Variants in CA10 observed in about 807,000 individuals in gnomAD.
The protein encoded by CA10 is carbonic anhydrase 10 (inactive), also known as carbonic anhydrase-related protein 10.
In CA10, 14 loss-of-function variants were observed where a neutral mutation model predicts 44.2. The ratio of observed to expected loss-of-function variants is 0.32; its 90% CI spans 0.21 to 0.50. The LOEUF (loss-of-function observed/expected upper bound fraction) is 0.50. Among genes scored for constraint, CA10 ranks in the 20% least tolerant of loss-of-function variants. CA10 has a pLI of 0.99. For missense variants in CA10, 350 were observed against 409.7 expected (o/e 0.85, Z 1.26); for synonymous variants, 159 against 141.6 (o/e 1.12, Z -0.87).
chr17:52,010,304 G>A lies in CA10; in HGVS notation c.136+62015C>T, dbSNP rs372236700. Among the ~76,000 whole-genome samples, 7 of 151,966 alleles carry A rather than the reference G, an allele frequency of 4.6e-5. No homozygotes were observed. The East Asian group carries it at 5.8e-4, about 13-fold the overall frequency. On this transcript the variant is annotated intron_variant, in intron 2 of 8. Transcript: ENST00000451037. ...AGAAAAAAGATACTTGTGCACACATGTTTACAGCAGCACAATTTGCAATTG... is the reference window on the plus strand; with the variant it reads ...AGAAAAAAGATACTTGTGCACACATATTTACAGCAGCACAATTTGCAATTG...
At chr17:51,652,337 T>C (rs1913605680) in intron 5 of CA10, among the ~76,000 whole-genome samples, 1 of 152,266 alleles carries the variant, frequency 6.6e-6, no homozygotes, top group African/African-American at 2.4e-5. Flanking sequence ...CTACTGTTTA[T>C]TATTCCAGGG....
chr17:51,909,309 T>C (rs758430799), intron 3 of CA10, among the ~76,000 whole-genome samples: 3 of 152,170 alleles, frequency 2.0e-5, no homozygotes, highest in Admixed American at 6.6e-5. Flanking sequence ...TCAGAGTTCT[T>C]TGGAACTGGA....
chr17:51,713,226 C>A (rs566806423), intron 4 of CA10, among the ~76,000 whole-genome samples: 1 of 152,182 alleles, frequency 6.6e-6, no homozygotes, highest in South Asian at 2.1e-4. Flanking sequence ...GTTTGAGCAT[C>A]ATTCTTATCA....
rs1988639117 is a variant in CA10, at chr17:52,105,412, AC to A, written c.62-33020del. Among the ~76,000 whole-genome samples, 4 of 151,704 alleles carry A rather than the reference AC, an allele frequency of 2.6e-5. No individual in the cohort carries two copies. The South Asian group carries it at 8.3e-4, about 32-fold the overall frequency. On this transcript the variant is annotated intron_variant, in intron 1 of 8. Coordinates refer to ENST00000451037, the MANE Select transcript of CA10 (RefSeq NM_020178.5). ...TGGGACTACAGGCGCCTGCCACCAC[AC>A]CCGGCTAATTTTTTGTATTTTTTAG...
intron 6 of CA10, among the ~76,000 whole-genome samples, chr17:51,648,529 T>C (rs1849630532): frequency 6.6e-6 from 1 of 152,212 alleles, no homozygotes; most frequent in Non-Finnish European, 1.5e-5. Flanking sequence ...GGGTGTGTGC[T>C]GTCTCACCCA....
At chr17:51,662,687 T>C (rs1340520200) in intron 4 of CA10, among the ~76,000 whole-genome samples, 1 of 152,186 alleles carries the variant, frequency 6.6e-6, no homozygotes, top group South Asian at 2.1e-4. Context: ...ACCCTAAGGT[T>C]TGGTAACTAT....
At chr17:51,908,098 C>T (rs1370046604) in intron 3 of CA10, among the ~76,000 whole-genome samples, 2 of 152,280 alleles carry the variant, frequency 1.3e-5, no homozygotes, top group East Asian at 1.9e-4. Context: ...GCACTGTGTT[C>T]TCTGACCCAC....
At chr17:52,089,859 A>G (rs1427921454) in intron 1 of CA10, among the ~76,000 whole-genome samples, 3 of 152,154 alleles carry the variant, frequency 2.0e-5, no homozygotes, top group Non-Finnish European at 2.9e-5. Context: ...CTTGAGAAGA[A>G]GGGAGAGATG....
chr17:52,127,224 A>C (rs530915501), intron 1 of CA10, among the ~76,000 whole-genome samples: 2 of 152,340 alleles, frequency 1.3e-5, no homozygotes, highest in East Asian at 3.9e-4. Flanking sequence ...CATATTGTCC[A>C]GCAAGTTTGT....
chr17:51,641,684 A>T (rs1913094439), intron 6 of CA10, among the ~76,000 whole-genome samples: 1 of 152,166 alleles, frequency 6.6e-6, no homozygotes, highest in Non-Finnish European at 1.5e-5. Context: ...AGTCGTGGTT[A>T]CAACTCCCAA....
intron 3 of CA10, among the ~76,000 whole-genome samples, chr17:51,894,607 T>C (rs746317486): frequency 6.6e-6 from 1 of 152,174 alleles, no homozygotes; most frequent in Non-Finnish European, 1.5e-5. Context: ...TAGATCCTGA[T>C]TTATAAATGT....
intron 1 of CA10, among the ~76,000 whole-genome samples, chr17:52,148,975 G>C (rs1002023099): frequency 6.6e-6 from 1 of 152,192 alleles, no homozygotes; most frequent in African/African-American, 2.4e-5. Context: ...AGAATCCTCT[G>C]AGGTATTTAT....
intron 2 of CA10, among the ~76,000 whole-genome samples, chr17:52,052,353 C>G (rs1369554993): frequency 1.3e-5 from 2 of 148,524 alleles, no homozygotes; most frequent in Non-Finnish European, 3.0e-5. Flanking sequence ...TAGCCATTGA[C>G]TTTTGCCTCT....
At chr17:51,997,973 T>C (rs1349705498) in intron 2 of CA10, among the ~76,000 whole-genome samples, 5 of 152,072 alleles carry the variant, frequency 3.3e-5, no homozygotes, top group African/African-American at 1.2e-4. Flanking sequence ...GTCACTTTCC[T>C]AGTGGGAACC....
At chr17:51,916,756 T>C (rs1038042584) in intron 3 of CA10, among the ~76,000 whole-genome samples, 8 of 152,150 alleles carry the variant, frequency 5.3e-5, no homozygotes, top group African/African-American at 1.2e-4. Context: ...AGAAAAGTCA[T>C]AGCTCCATAT....
At chr17:51,687,890 G>C (rs554129322) in intron 4 of CA10, among the ~76,000 whole-genome samples, 1 of 152,278 alleles carries the variant, frequency 6.6e-6, no homozygotes, top group East Asian at 1.9e-4. Flanking sequence ...ACTCCTTAAT[G>C]ATTCTTGCCA....
chr17:51,836,410 G>C (rs1396843909), intron 3 of CA10, among the ~76,000 whole-genome samples: 3 of 152,230 alleles, frequency 2.0e-5, no homozygotes, highest in Non-Finnish European at 2.9e-5. Flanking sequence ...GACCCAACGT[G>C]GAGGCAAAGG....
chr17:51,825,813 C>T (rs893074289), intron 3 of CA10, among the ~76,000 whole-genome samples: 2 of 152,192 alleles, frequency 1.3e-5, no homozygotes, highest in Admixed American at 1.3e-4. Context: ...ATGATTCGAA[C>T]GTTGCACAAC....
Position 51,717,591 on chromosome 17 carries a change from T to TTG in CA10, c.465+30040_465+30041dup, listed in dbSNP as rs200189230. Among the ~76,000 whole-genome samples the TTG allele has an allele frequency of 1.1e-3, 130 of 115,988 alleles. 3 individuals are homozygous for TTG. The highest frequency in any genetic ancestry group is 4.2e-3 in the African/African-American group (127 of 30,158). 76.1% of individuals were successfully genotyped at this position (115,988 alleles called of 152,430 possible). A position where few individuals can be genotyped will look rare whatever the true frequency, so the allele number is the denominator to read the frequency against. ...TACATAAATATATAAAAATATATAT[T>TTG]TGTGTATATATATACATGTATACAT... On this transcript the variant is annotated intron_variant, in intron 4 of 8. Coordinates refer to ENST00000451037, the MANE Select transcript of CA10 (RefSeq NM_020178.5).
Sources: gnomAD v4.1 joint callset for allele counts (sites outside exome capture counted in the v4.1 genomes callset) on GRCh38, gnomAD v4.1.1 for gene constraint, MANE v1.5 for transcripts, NCBI Gene and HGNC (gene_info 2026-07-23, HGNC 2026-07-21) for gene names.